The following AKAP6 variants were observed in gnomAD, a reference collection of about 807,000 sequenced individuals.
AKAP6 encodes the protein A-kinase anchoring protein 6.
AKAP6 carries 58 observed loss-of-function variants against 188.5 expected under a neutral mutation model. The observed-to-expected ratio is 0.31, with a 90% CI of 0.25 to 0.38. The LOEUF (loss-of-function observed/expected upper bound fraction) is 0.38, where lower values mean the gene tolerates loss of function less well. AKAP6 is among the 10% of genes least tolerant of loss of function. The pLI is 1.00. For synonymous variants in AKAP6, 989 were observed against 998.6 expected, an observed-to-expected ratio of 0.99 and a Z score of 0.18; for missense variants, 2,710 against 2,740.0, an observed-to-expected ratio of 0.99 and a Z score of 0.24.
intron 7 of AKAP6, among the ~76,000 whole-genome samples, chr14:32,634,920 T>C (rs1201453870): frequency 6.6e-6 from 1 of 151,964 alleles, no homozygotes; most frequent in Non-Finnish European, 1.5e-5. Context: ...CAATAAGTTT[T>C]TGGGGAACGG....
chr14:32,635,920 C>T (rs1277022291), intron 7 of AKAP6, among the ~76,000 whole-genome samples: 2 of 151,988 alleles, frequency 1.3e-5, no homozygotes, highest in Non-Finnish European at 2.9e-5. Context: ...CAGTGCAGCA[C>T]CATTCAATTT....
intron 1 of AKAP6, among the ~76,000 whole-genome samples, chr14:32,354,883 T>C (rs1359266380): frequency 1.3e-5 from 2 of 152,212 alleles, no homozygotes; most frequent in East Asian, 1.9e-4. Context: ...CCCGGGGAGT[T>C]GCCCTCCTCT....
chr14:32,391,557 G>A (rs1168754947), intron 1 of AKAP6, among the ~76,000 whole-genome samples: 2 of 152,202 alleles, frequency 1.3e-5, no homozygotes, highest in Non-Finnish European at 2.9e-5. Flanking sequence ...TGAGAGAGCA[G>A]CTCTGTGGTC....
At chr14:32,370,205 A>G (rs781144497) in intron 1 of AKAP6, among the ~76,000 whole-genome samples, 3 of 152,224 alleles carry the variant, frequency 2.0e-5, no homozygotes, top group Non-Finnish European at 4.4e-5. Context: ...AGGAGACCAG[A>G]AAGACTGTCC....
chr14:32,657,149 G>A (rs1005501035), intron 7 of AKAP6, among the ~76,000 whole-genome samples: 1 of 152,148 alleles, frequency 6.6e-6, no homozygotes. Flanking sequence ...TGGGAGCCCT[G>A]GCTCTGATTT....
intron 7 of AKAP6, among the ~76,000 whole-genome samples, chr14:32,622,592 G>T (rs1444584695): frequency 6.6e-6 from 1 of 151,992 alleles, no homozygotes; most frequent in African/African-American, 2.4e-5. Context: ...TCCCTCAAAG[G>T]GTTATTGAAT....
At chr14:32,575,423 A>G (rs1218020284) in intron 4 of AKAP6, among the ~76,000 whole-genome samples, 1 of 152,154 alleles carries the variant, frequency 6.6e-6, no homozygotes, top group East Asian at 1.9e-4. Context: ...CCTCACCTGG[A>G]AGAAAATCTT....
At chr14:32,718,888 A>C (rs552790136) in intron 9 of AKAP6, among the ~76,000 whole-genome samples, 1 of 152,272 alleles carries the variant, frequency 6.6e-6, no homozygotes, top group African/African-American at 2.4e-5. Context: ...CCTACATTTA[A>C]ACCATAATGC....
At chr14:32,624,076 T>G (rs539799303) in intron 7 of AKAP6, among the ~76,000 whole-genome samples, 8 of 152,168 alleles carry the variant, frequency 5.3e-5, no homozygotes, top group East Asian at 3.9e-4. Context: ...CTATTATGAT[T>G]TGGAATAAAA....
intron 9 of AKAP6, among the ~76,000 whole-genome samples, chr14:32,714,818 G>C (rs748444781): frequency 6.6e-5 from 10 of 151,428 alleles, no homozygotes; most frequent in Non-Finnish European, 1.5e-4. Context: ...CTTGTATTGT[G>C]GTACACACAT....
intron 7 of AKAP6, among the ~76,000 whole-genome samples, chr14:32,605,557 A>G (rs1886096371): frequency 6.6e-6 from 1 of 152,186 alleles, no homozygotes; most frequent in Non-Finnish European, 1.5e-5. Flanking sequence ...TGAGGTCTCT[A>G]TACACAATAA....
intron 8 of AKAP6, among the ~76,000 whole-genome samples, chr14:32,681,141 C>G (rs76691857): frequency 0.021 from 3,241 of 152,316 alleles, 94 homozygotes; most frequent in African/African-American, 0.074. Context: ...GCATGATGCT[C>G]TGAGCATAGT....
intron 2 of AKAP6, among the ~76,000 whole-genome samples, chr14:32,527,993 G>T (rs557403315): frequency 1.3e-5 from 2 of 151,988 alleles, no homozygotes; most frequent in Non-Finnish European, 2.9e-5. Flanking sequence ...TGTGCCTTTG[G>T]TGTTGTATCT....
At chr14:32,565,085 A>T (rs1884127419) in intron 4 of AKAP6, among the ~76,000 whole-genome samples, 1 of 152,108 alleles carries the variant, frequency 6.6e-6, no homozygotes, top group Admixed American at 6.5e-5. Context: ...ACACAGGTGG[A>T]TCTTCCCTTT....
intron 8 of AKAP6, among the ~76,000 whole-genome samples, chr14:32,681,345 G>T (rs12883773): frequency 6.6e-6 from 1 of 151,796 alleles, no homozygotes; most frequent in African/African-American, 2.4e-5. Context: ...TCTTCAGTCT[G>T]TGTAAAGGAG....
At chr14:32,486,197 C>T (rs1200553269) in intron 2 of AKAP6, among the ~76,000 whole-genome samples, 1 of 90,368 alleles carries the variant, frequency 1.1e-5, no homozygotes, top group Non-Finnish European at 2.2e-5. Context: ...GTACCAGTAC[C>T]ATGCTGTTTT....
intron 12 of AKAP6, among the ~76,000 whole-genome samples, chr14:32,782,205 G>GGGAA: frequency 6.6e-6 from 1 of 150,436 alleles, no homozygotes; most frequent in African/African-American, 2.5e-5. Context: ...GAGGGAGGGA[G>GGGAA]GGAGGAAGGG....
intron 1 of AKAP6, among the ~76,000 whole-genome samples, chr14:32,353,999 G>A (rs536385507): frequency 2.9e-4 from 44 of 152,154 alleles, no homozygotes; most frequent in Non-Finnish European, 4.4e-4. Flanking sequence ...CTCATGGATA[G>A]GAAGAATCAA....
At chr14:32,412,406 T>C (rs775587908) in intron 1 of AKAP6, among the ~76,000 whole-genome samples, 2 of 152,188 alleles carry the variant, frequency 1.3e-5, no homozygotes, top group African/African-American at 2.4e-5. Flanking sequence ...TTTGTATCTT[T>C]TGGAAATAAA....
Sources: gnomAD v4.1 joint callset for allele counts (sites outside exome capture counted in the v4.1 genomes callset) on GRCh38, gnomAD v4.1.1 for gene constraint, MANE v1.5 for transcripts, NCBI Gene and HGNC (gene_info 2026-07-23, HGNC 2026-07-21) for gene names.